Variants in GHDC observed in about 807,000 individuals in gnomAD.
GHDC encodes the protein GH3 domain containing, also known as GH3 domain-containing protein.
GHDC carries 39 observed loss-of-function variants against 51.5 expected under a neutral mutation model. That is an observed-to-expected ratio of 0.76 (90% CI 0.59 to 0.99). GHDC has a LOEUF of 0.99. GHDC is among the 50% of genes least tolerant of loss of function. GHDC has a pLI of 0.00. For synonymous variants in GHDC, 282 were observed against 305.2 expected (o/e 0.92, Z 0.79); for missense variants, 610 against 672.8 (o/e 0.91, Z 1.03).
intron 8 of GHDC, 84 bp from the exon 9 acceptor site, chr17:42,190,354 C>T (rs781411187): frequency 1.2e-5 from 19 of 1,610,934 alleles, no homozygotes; most frequent in Non-Finnish European, 1.5e-5. Context: ...TCTGTTCTTC[C>T]CCACTCTGAG....
rs1313054379 is a variant in GHDC at position 42,192,287 on chromosome 17, C to A, written c.843G>T (p.Trp281Cys). ...GAGAGAAGAAGGCTAGTCCTTGGCA[C>A]CACAAGGCCCCGAGGGCAGCCACAG... is the stretch of plus-strand genomic sequence containing the variant. ...AEAVAALGAL[W>C]CQGLAFFSPA... Residue 281 changes from tryptophan (W) to cysteine (C), a missense_variant, in exon 5 of 10, where the codon TGG (tryptophan) becomes TGT (cysteine). Transcript: ENST00000587427. 6.3e-7 allele frequency: 1 copy of A among 1,584,546 alleles called. No homozygotes were observed. The highest frequency in any genetic ancestry group is 8.6e-7 in the Non-Finnish European group (1 of 1,165,502).
chr17:42,192,758 G>C lies in GHDC; in HGVS notation c.388-16C>G, dbSNP rs1171893281. The stretch of plus-strand genomic sequence containing the variant: ...GCAAGGTGGCCTGGAGGAGGAAAGA[G>C]AGAATGTTGGTCTGGTGTCAGAGCC... On this transcript the variant is annotated splice_polypyrimidine_tract_variant and intron_variant, in intron 4 of 9. Coordinates refer to ENST00000587427, the MANE Select transcript of GHDC (RefSeq NM_032484.5). The C allele has an allele frequency of 5.9e-6, 9 of 1,532,016 alleles. No homozygotes were observed. Among genetic ancestry groups the C allele is most frequent in the Non-Finnish European group, 7.9e-6 (9 of 1,144,314 alleles). 94.9% of individuals were successfully genotyped at this position (1,532,016 alleles called of 1,614,324 possible).
Position 42,189,188 on chromosome 17 carries a change from A to T in GHDC, c.*515T>A. On this transcript the variant is annotated 3_prime_UTR_variant, in exon 10 of 10. Transcript: ENST00000587427. ...AGCCCCCGCAGGAAGTACATGAATG[A>T]GTGGGTTACTGCTGCGGGCAACTGG... 2.5e-6 allele frequency: 1 copy of T among 398,424 alleles called. No individual in the cohort carries two copies. The highest frequency in any genetic ancestry group is 4.4e-6 in the Non-Finnish European group (1 of 226,072). The allele number at this position is 398,424 out of a possible 1,614,324, so 24.7% of individuals were successfully genotyped here.
rs751338798 is a variant in GHDC at position 42,190,374 on chromosome 17, G to GA, written c.1289-105dup. On this transcript the variant is annotated intron_variant, in intron 8 of 9. Transcript: ENST00000587427. ...TCTTCCCCACTCTGAGATTCATAGGGAAAAAAGAGTTTCTTGGTGGGGAGT... is the reference window on the plus strand; with the variant it reads ...TCTTCCCCACTCTGAGATTCATAGGGAAAAAAAGAGTTTCTTGGTGGGGAGT... 19 of 1,591,286 alleles carry GA rather than the reference G, an allele frequency of 1.2e-5. No homozygotes were observed. In the African/African-American group the frequency reaches 2.2e-4, roughly 18 times the overall value.
rs767214596 is a variant in GHDC at position 42,192,456 on chromosome 17, G to C, written c.674C>G (p.Ala225Gly). The change falls in exon 5 of 10, where the codon GCT becomes GGT. Residue 225 changes from alanine to glycine, a missense_variant. Ala to Gly is a moderately conservative substitution (Grantham distance 60). Coordinates refer to ENST00000587427, the MANE Select transcript of GHDC (RefSeq NM_032484.5). ...GAGAGGCGCTCCAGGGTTCCCGGCA[G>C]CTATCGCCCCAGCTAGCTCTTCACC... Reference protein sequence around the residue: ...TDGEELAGAIAAGNPGAPLRE... With the variant: ...TDGEELAGAIGAGNPGAPLRE... The C allele has an allele frequency of 2.4e-5, 38 of 1,613,544 alleles. 1 individual carries two copies. The highest frequency in any genetic ancestry group is 1.1e-4 in the East Asian group (5 of 44,896).
chr17:42,192,391 C>G lies in GHDC; in HGVS notation c.739G>C (p.Gly247Arg). 7 of 1,612,964 alleles carry G rather than the reference C, an allele frequency of 4.3e-6. No homozygotes were observed. The highest frequency in any genetic ancestry group is 5.9e-6 in the Non-Finnish European group (7 of 1,179,942). The change falls in exon 5 of 10, where the codon GGG (glycine) becomes CGG (arginine). Residue 247 changes from glycine (G) to arginine (R), a missense_variant. By Grantham distance (125) the Gly-to-Arg change is moderately radical (BLOSUM62 -2). Transcript: ENST00000587427. ...AAELREALEQ[G>R]PRGLALRLWP... is the part of the protein sequence containing the mutation. ...AGCCGAAGGGCCAGTCCCCGTGGCC[C>G]CTGCTCTAGGGCCTCCCGGAGCTCA...
rs567949980 is a variant in GHDC, at chr17:42,193,370, C to G, written c.212G>C (p.Arg71Thr). Reference sequence around the variant, plus strand: ...GCGCTGGGCTCCCTGTAGACACCACCTCAGGGCCTGCTGCTGGCTCTGGTG... The same window carrying G: ...GCGCTGGGCTCCCTGTAGACACCACGTCAGGGCCTGCTGCTGGCTCTGGTG... ...HVHQSQQQAL[R>T]WCLQGAQRPH... Residue 71 changes from arginine to threonine, a missense_variant, in exon 3 of 10, where the codon AGG becomes ACG. By Grantham distance (71) the Arg-to-Thr change is moderately conservative (BLOSUM62 -1). Around this residue, in one of 2 missense-constraint regions of GHDC, gnomAD observed 198 missense variants for 262.3 expected, o/e 0.75. Transcript: ENST00000587427. 6.2e-7 allele frequency: 1 copy of G among 1,605,738 alleles called. No individual in the cohort carries two copies. Among genetic ancestry groups the G allele is most frequent in the Non-Finnish European group, 8.5e-7 (1 of 1,176,536 alleles).
chr17:42,191,807 G>A (rs1398613150), intron 5 of GHDC, among the ~76,000 whole-genome samples: 1 of 136,644 alleles, frequency 7.3e-6, no homozygotes, highest in African/African-American at 2.8e-5. Context: ...CTGTCACCCA[G>A]GCTGGAGTGC....
At chr17:42,190,381 G>T in intron 8 of GHDC, 111 bp from the exon 9 acceptor site, 1 of 1,581,008 alleles carries the variant, frequency 6.3e-7, no homozygotes, top group Non-Finnish European at 8.6e-7. Flanking sequence ...AGGGAAAAAA[G>T]AGTTTCTTGG....
chr17:42,192,572 C>G lies in GHDC; in HGVS notation c.558G>C (p.Leu186=), dbSNP rs2079978039. 6.2e-7 allele frequency: 1 copy of G among 1,613,770 alleles called. No individual in the cohort carries two copies. Among genetic ancestry groups the G allele is most frequent in the Non-Finnish European group, 8.5e-7 (1 of 1,180,040 alleles). Residue 186 remains leucine, a synonymous_variant, in exon 5 of 10, where the codon CTG becomes CTC. Coordinates refer to ENST00000587427, the MANE Select transcript of GHDC (RefSeq NM_032484.5). ...TPGTKDPRAL[L]LDALRSPGLR... is the part of the protein sequence containing the mutation. ...GCCCTGGGGACCTCAGTGCGTCCAG[C>G]AGCAGGGCCCTAGGGTCCTTGGTTC...
Position 42,192,407 on chromosome 17 carries a change from C to CCGGA in GHDC, c.719_722dup (p.Glu242ProfsTer110). On this transcript the variant is annotated frameshift_variant, in exon 5 of 10. Coordinates refer to ENST00000587427, the MANE Select transcript of GHDC (RefSeq NM_032484.5). LOFTEE classifies it high-confidence loss of function. ...CCCGTGGCCCCTGCTCTAGGGCCTC[C>CCGGA]CGGAGCTCAGCTGCCCGTTCACGGA... The CCGGA allele has an allele frequency of 6.2e-7, 1 of 1,613,086 alleles. No homozygotes were observed. Among genetic ancestry groups the CCGGA allele is most frequent in the Non-Finnish European group, 8.5e-7 (1 of 1,179,992 alleles).
Position 42,193,402 on chromosome 17 carries a change from G to C in GHDC, c.180C>G (p.Leu60=). ...WQRRRLEQST[L]HVHQSQQQAL... ...CCTGCTGCTGGCTCTGGTGCACATGGAGCGTGCTCTGCTCCAGCCTCCGCC... is the reference window on the plus strand; with the variant it reads ...CCTGCTGCTGGCTCTGGTGCACATGCAGCGTGCTCTGCTCCAGCCTCCGCC... Residue 60 remains leucine (L), a synonymous_variant, in exon 3 of 10, where the codon CTC becomes CTG. Transcript: ENST00000587427. 6.3e-7 allele frequency: 1 copy of C among 1,589,580 alleles called. No individual in the cohort carries two copies.
chr17:42,191,038 C>T lies in GHDC; in HGVS notation c.1062G>A (p.Thr354=), dbSNP rs144825809. 16 of 1,580,750 alleles carry T rather than the reference C, an allele frequency of 1.0e-5. No homozygotes were observed. Among genetic ancestry groups the T allele is most frequent in the Middle Eastern group, 1.7e-4 (1 of 5,942 alleles). The stretch of plus-strand genomic sequence containing the variant: ...ATCACCTGGTGAGGCTGGCGCGGTC[C>T]GTCAGCACCAGCTCATACTCCTTGC... ...QQGKEYELVL[T]DRASLTRCRL... is the part of the protein sequence containing the mutation. Residue 354 remains threonine, a synonymous_variant, in exon 6 of 10, where the codon ACG becomes ACA. Coordinates refer to ENST00000587427, the MANE Select transcript of GHDC (RefSeq NM_032484.5).
chr17:42,193,876 A>C, intron 1 of GHDC, 26 bp from the exon 2 acceptor site: 2 of 437,600 alleles, frequency 4.6e-6, no homozygotes, highest in African/African-American at 2.0e-5. Flanking sequence ...AAGAATAAGA[A>C]TGCCTCTTTC....
In GHDC at chr17:42,192,756, G is replaced by A; in HGVS notation, c.388-14C>T. On this transcript the variant is annotated splice_polypyrimidine_tract_variant and intron_variant, in intron 4 of 9. Transcript: ENST00000587427. ...CAGCAAGGTGGCCTGGAGGAGGAAA[G>A]AGAGAATGTTGGTCTGGTGTCAGAG... 6.5e-7 allele frequency: 1 copy of A among 1,532,430 alleles called. No individual in the cohort carries two copies. Among genetic ancestry groups the A allele is most frequent in the East Asian group, 2.3e-5 (1 of 44,266 alleles). The allele number at this position is 1,532,430 out of a possible 1,614,324, so 94.9% of individuals were successfully genotyped here. A position where few individuals can be genotyped will look rare whatever the true frequency, so the allele number is the denominator to read the frequency against.
At position 42,190,177 on chromosome 17, in the gene GHDC, T is replaced by C. The variant is rs2079956721; in HGVS notation, c.1374+8A>G. The C allele has an allele frequency of 6.2e-7, 1 of 1,612,496 alleles. No individual in the cohort carries two copies. On this transcript the variant is annotated splice_region_variant and intron_variant, in intron 9 of 9. Coordinates refer to ENST00000587427, the MANE Select transcript of GHDC (RefSeq NM_032484.5). ...TCTACAGTCAGACCCTGTCCTCGTC[T>C]CCTTTACCTTGTCTCGATTTTCCTC...
chr17:42,190,133 A>G, intron 9 of GHDC, 52 bp downstream of exon 9: 2 of 1,566,702 alleles, frequency 1.3e-6, no homozygotes, highest in Non-Finnish European at 1.7e-6. Flanking sequence ...GCACCCTGGG[A>G]GTGTGCAGAG....
chr17:42,192,729 C>T lies in GHDC; in HGVS notation c.401G>A (p.Gly134Asp). Residue 134 changes from glycine to aspartate, a missense_variant, in exon 5 of 10, where the codon GGT (glycine) becomes GAT (aspartate). Gly to Asp is a moderately conservative substitution (Grantham distance 94). Coordinates refer to ENST00000587427, the MANE Select transcript of GHDC (RefSeq NM_032484.5). ...GTAGGCCTTGTTTAGGGCTGCCAGA[C>T]CCAGCAAGGTGGCCTGGAGGAGGAA... ...GEASLQATLLGLAALNKAYPE... is the reference protein window; with the variant it reads ...GEASLQATLLDLAALNKAYPE... 1 of 1,540,528 alleles carries T rather than the reference C, an allele frequency of 6.5e-7. No homozygotes were observed. Among genetic ancestry groups the T allele is most frequent in the Non-Finnish European group, 8.7e-7 (1 of 1,146,816 alleles).
At chr17:42,192,774 T>C in intron 4 of GHDC, 32 bp from the exon 5 acceptor site, 1 of 1,532,480 alleles carries the variant, frequency 6.5e-7, no homozygotes. Flanking sequence ...GTTGGTCTGG[T>C]GTCAGAGCCA....
Sources: gnomAD v4.1 joint callset for allele counts (sites outside exome capture counted in the v4.1 genomes callset) on GRCh38, gnomAD v4.1.1 for gene constraint, gnomAD v4.1.1 regional missense constraint, MANE v1.5 for transcripts, NCBI Gene and HGNC (gene_info 2026-07-23, HGNC 2026-07-21) for gene names.